CTIF: variants seen among roughly 807,000 people sequenced by gnomAD.
CTIF encodes cap binding complex dependent translation initiation factor, also known as CBP80/20-dependent translation initiation factor.
Under a neutral mutation model 66.0 loss-of-function variants are expected in CTIF, and 21 were observed. The observed-to-expected ratio is 0.32, with a 90% CI of 0.23 to 0.46. The LOEUF (loss-of-function observed/expected upper bound fraction) is 0.46. Among genes scored for constraint, CTIF ranks in the 20% least tolerant of loss-of-function variants. CTIF has a pLI of 1.00. For synonymous variants in CTIF, 345 were observed against 326.4 expected (o/e 1.06, Z -0.62); for missense variants, 739 against 812.7 (o/e 0.91, Z 1.10).
intron 10 of CTIF, among the ~76,000 whole-genome samples, chr18:48,832,674 T>A (rs2068719059): frequency 6.6e-6 from 1 of 152,186 alleles, no homozygotes; most frequent in Non-Finnish European, 1.5e-5. Context: ...AGGACTACCA[T>A]TTCTGTAATT....
At chr18:48,686,772 G>A (rs1162491939) in intron 6 of CTIF, among the ~76,000 whole-genome samples, 1 of 152,110 alleles carries the variant, frequency 6.6e-6, no homozygotes, top group Non-Finnish European at 1.5e-5. Flanking sequence ...GGTACCTGGG[G>A]CCTGCAAGCT....
chr18:48,718,591 C>T (rs1308122779), intron 7 of CTIF, among the ~76,000 whole-genome samples: 2 of 152,114 alleles, frequency 1.3e-5, no homozygotes, highest in Non-Finnish European at 2.9e-5. Flanking sequence ...AGTGAAGTCA[C>T]CCCTCCTCTG....
At chr18:48,638,727 G>A (rs929861078) in intron 3 of CTIF, among the ~76,000 whole-genome samples, 2 of 152,234 alleles carry the variant, frequency 1.3e-5, no homozygotes, top group Admixed American at 6.5e-5. Context: ...CTCGGGGTAC[G>A]CAGTGTTTGA....
intron 6 of CTIF, among the ~76,000 whole-genome samples, chr18:48,703,631 A>G (rs2092113055): frequency 6.6e-6 from 1 of 152,234 alleles, no homozygotes; most frequent in Admixed American, 6.5e-5. Flanking sequence ...AAAGATCATG[A>G]GACTGTCAGG....
Position 48,684,416 on chromosome 18 carries a change from G to T in CTIF, c.507+13672G>T, listed in dbSNP as rs532845947. On this transcript the variant is annotated intron_variant, in intron 6 of 11. Transcript: ENST00000256413. ...CTGTTTTTACTATTTTTTTCTAGTG[G>T]TACCACCCTATTTCGAATACAGATA... Among the ~76,000 whole-genome samples, 3 of 151,716 alleles carry T rather than the reference G, an allele frequency of 2.0e-5. No individual in the cohort carries two copies. The East Asian group carries it at 5.8e-4, about 29-fold the overall frequency.
rs770209913 is a variant in CTIF at position 48,848,068 on chromosome 18, T to C, written c.1528-9520T>C. 1.3e-4 allele frequency among the ~76,000 whole-genome samples: 20 copies of C among 152,322 alleles called. No homozygotes were observed. In the East Asian group the frequency reaches 1.4e-3, roughly 10 times the overall value. ...CCTGACGTGTAGGTGGCAACCATCC[T>C]AGAGCCCTGCAGGTGTGGTTCTTCT... On this transcript the variant is annotated intron_variant, in intron 10 of 11. Coordinates refer to ENST00000256413, the MANE Select transcript of CTIF (RefSeq NM_014772.3).
At chr18:48,617,035 G>A (rs1048843698) in intron 1 of CTIF, among the ~76,000 whole-genome samples, 4 of 152,254 alleles carry the variant, frequency 2.6e-5, no homozygotes, top group Admixed American at 2.0e-4. Context: ...TCATGAGACT[G>A]AAGTCAAGTT....
intron 1 of CTIF, among the ~76,000 whole-genome samples, chr18:48,606,456 G>A (rs1027676069): frequency 6.6e-6 from 1 of 152,204 alleles, no homozygotes; most frequent in Non-Finnish European, 1.5e-5. Flanking sequence ...GCAGCCGCAG[G>A]GTTATTAAGA....
chr18:48,620,997 A>T (rs187809606), intron 2 of CTIF, among the ~76,000 whole-genome samples: 2 of 152,168 alleles, frequency 1.3e-5, no homozygotes, highest in Admixed American at 1.3e-4. Context: ...AATAGATGTG[A>T]TGCTTTCTTT....
intron 9 of CTIF, among the ~76,000 whole-genome samples, chr18:48,790,131 GC>G: frequency 6.6e-6 from 1 of 152,312 alleles, no homozygotes; most frequent in East Asian, 1.9e-4. Flanking sequence ...CAGAGGTTCC[GC>G]CCCCAGTACC....
At chr18:48,830,270 T>C (rs986519670) in intron 10 of CTIF, among the ~76,000 whole-genome samples, 3 of 152,160 alleles carry the variant, frequency 2.0e-5, no homozygotes, top group Non-Finnish European at 4.4e-5. Flanking sequence ...AGTCAAGGAT[T>C]CTCCTGCCTC....
At chr18:48,800,784 G>A (rs76667091) in intron 9 of CTIF, among the ~76,000 whole-genome samples, 4,830 of 152,312 alleles carry the variant, frequency 0.032, 126 homozygotes, top group Non-Finnish European at 0.051. Context: ...AGTGGGAGTC[G>A]GACCAGAGTG....
intron 3 of CTIF, among the ~76,000 whole-genome samples, chr18:48,662,913 G>A (rs573182324): frequency 6.6e-6 from 1 of 152,258 alleles, no homozygotes; most frequent in East Asian, 1.9e-4. Context: ...CTGATGACAG[G>A]CATGTGGGTG....
chr18:48,638,206 T>A (rs950806256), intron 3 of CTIF, among the ~76,000 whole-genome samples: 3 of 152,118 alleles, frequency 2.0e-5, no homozygotes, highest in Non-Finnish European at 4.4e-5. Flanking sequence ...TTCCCCTCAC[T>A]CTTCAGCAGC....
intron 1 of CTIF, among the ~76,000 whole-genome samples, chr18:48,602,481 A>C (rs2090107646): frequency 1.3e-5 from 2 of 152,230 alleles, no homozygotes; most frequent in Non-Finnish European, 2.9e-5. Context: ...GCATAGCTTA[A>C]TTGACAGCAT....
chr18:48,614,292 G>A (rs889871285), intron 1 of CTIF, among the ~76,000 whole-genome samples: 2 of 152,150 alleles, frequency 1.3e-5, no homozygotes, highest in Admixed American at 6.5e-5. Context: ...ACCAGCCAGA[G>A]AAAGCTCTAC....
chr18:48,687,349 CA>C (rs2091857539), intron 6 of CTIF, among the ~76,000 whole-genome samples: 4 of 150,240 alleles, frequency 2.7e-5, no homozygotes, highest in Admixed American at 1.3e-4. Flanking sequence ...CACACACACA[CA>C]CCAAGCTTAC....
At chr18:48,544,198 G>T (rs577347996) in intron 1 of CTIF, among the ~76,000 whole-genome samples, 1 of 152,230 alleles carries the variant, frequency 6.6e-6, no homozygotes, top group Non-Finnish European at 1.5e-5. Flanking sequence ...TGACACTGGG[G>T]CTACTTTAAT....
chr18:48,777,298 T>A (rs949991821), intron 9 of CTIF, among the ~76,000 whole-genome samples: 2 of 152,156 alleles, frequency 1.3e-5, no homozygotes, highest in Non-Finnish European at 2.9e-5. Flanking sequence ...TGCGGCCACC[T>A]CCCAGCATCT....
Sources: allele counts gnomAD v4.1 joint callset (sites outside exome capture counted in the v4.1 genomes callset), GRCh38; gene constraint gnomAD v4.1.1; transcripts MANE v1.5; gene names NCBI Gene and HGNC (gene_info 2026-07-23, HGNC 2026-07-21).